STON2: variants seen among roughly 807,000 people sequenced by gnomAD.
The protein encoded by STON2 is stonin-2.
STON2 carries 29 observed loss-of-function variants against 65.7 expected under a neutral mutation model. The ratio of observed to expected loss-of-function variants is 0.44; its 90% confidence interval spans 0.33 to 0.60. STON2 has a LOEUF of 0.60. STON2 is among the 20% of genes least tolerant of loss of function. The pLI is 0.03. For missense variants in STON2, 1,054 were observed against 1,118.1 expected, an observed-to-expected ratio of 0.94 and a Z score of 0.82; for synonymous variants, 404 against 414.2, an observed-to-expected ratio of 0.98 and a Z score of 0.30.
At chr14:81,356,332 C>T (rs1167433090) in intron 4 of STON2, among the ~76,000 whole-genome samples, 3 of 152,238 alleles carry the variant, frequency 2.0e-5, no homozygotes, top group Admixed American at 1.3e-4. Flanking sequence ...GTATATTGAA[C>T]TAGCCTTGCA....
chr14:81,301,459 C>A (rs536826777), intron 5 of STON2, among the ~76,000 whole-genome samples: 7 of 151,050 alleles, frequency 4.6e-5, no homozygotes, highest in Admixed American at 4.6e-4. Context: ...AAAGCAATTA[C>A]AATACAACAC....
At position 81,267,505 on chromosome 14, in the gene STON2, C is replaced by A. The variant is rs1894403468; in HGVS notation, c.*909G>T. The A allele has an allele frequency of 5.1e-6, 5 of 985,276 alleles. No individual in the cohort carries two copies. Among genetic ancestry groups the A allele is most frequent in the Non-Finnish European group, 6.0e-6 (5 of 829,880 alleles). The allele number at this position is 985,276 out of a possible 1,614,324, so 61.0% of individuals were successfully genotyped here. ...AGGTATAAAAAGAACTCCCAAATGC[C>A]CCTTACAAATGCCTCAGGTATTATG... On this transcript the variant is annotated 3_prime_UTR_variant, in exon 8 of 8. Transcript: ENST00000614646.
chr14:81,399,452 T>C (rs1027059625), intron 1 of STON2, among the ~76,000 whole-genome samples: 2 of 152,218 alleles, frequency 1.3e-5, no homozygotes, highest in African/African-American at 4.8e-5. Context: ...AGATAGTTTC[T>C]AGAACAACTT....
Position 81,310,432 on chromosome 14 carries a change from T to C in STON2, c.742+13585A>G, listed in dbSNP as rs79593596. On this transcript the variant is annotated intron_variant, in intron 5 of 7. Coordinates refer to ENST00000614646, the MANE Select transcript of STON2 (RefSeq NM_001394390.1). Reference sequence around the variant, plus strand: ...AATTAAGACAAACTAGAGGTGCAGATAGATGGACCAGTGTGAGCAGCATCT... The same window carrying C: ...AATTAAGACAAACTAGAGGTGCAGACAGATGGACCAGTGTGAGCAGCATCT... Among the ~76,000 whole-genome samples the C allele has an allele frequency of 3.9e-5, 6 of 152,268 alleles. No homozygotes were observed. The East Asian group carries it at 1.2e-3, about 29-fold the overall frequency.
chr14:81,316,946 C>T (rs1004373157), intron 5 of STON2, among the ~76,000 whole-genome samples: 16 of 151,760 alleles, frequency 1.1e-4, no homozygotes, highest in African/African-American at 3.4e-4. Context: ...CGTGAACCCG[C>T]GAGGCAGAGG....
intron 3 of STON2, among the ~76,000 whole-genome samples, chr14:81,392,061 T>C (rs1900104157): frequency 6.6e-6 from 1 of 152,136 alleles, no homozygotes; most frequent in Non-Finnish European, 1.5e-5. Flanking sequence ...GGAGGTAAAA[T>C]TTAAGAGGGT....
In STON2 at chr14:81,265,748, A is replaced by G; in HGVS notation, c.*2666T>C. The stretch of plus-strand genomic sequence containing the variant: ...GATAGCATAGAAGGGATTTTTCCCA[A>G]CTCTTGGTAAAAAAAACAAAAAAGT... On this transcript the variant is annotated 3_prime_UTR_variant, in exon 8 of 8. Coordinates refer to ENST00000614646, the MANE Select transcript of STON2 (RefSeq NM_001394390.1). 1 of 976,136 alleles carries G rather than the reference A, an allele frequency of 1.0e-6. No individual in the cohort carries two copies. The highest frequency in any genetic ancestry group is 1.2e-6 in the Non-Finnish European group (1 of 824,226). The allele number at this position is 976,136 out of a possible 1,614,324, so 60.5% of individuals were successfully genotyped here. A position where few individuals can be genotyped will look rare whatever the true frequency, so the allele number is the denominator to read the frequency against.
At chr14:81,287,421 C>G (rs1895379215) in intron 5 of STON2, among the ~76,000 whole-genome samples, 3 of 152,190 alleles carry the variant, frequency 2.0e-5, no homozygotes, top group Admixed American at 6.5e-5. Flanking sequence ...GCCAGTTCAT[C>G]AAACTACCAC....
intron 3 of STON2, among the ~76,000 whole-genome samples, chr14:81,375,122 T>C (rs920749915): frequency 2.6e-5 from 4 of 151,900 alleles, no homozygotes; most frequent in African/African-American, 9.7e-5. Flanking sequence ...GTGAAATATC[T>C]TCACAGAACA....
chr14:81,339,953 G>C (rs1897529708), intron 4 of STON2, among the ~76,000 whole-genome samples: 2 of 152,144 alleles, frequency 1.3e-5, no homozygotes, highest in African/African-American at 2.4e-5. Flanking sequence ...AGGAGATCAA[G>C]ACCATCCTGG....
At chr14:81,289,663 C>T (rs1184423447) in intron 5 of STON2, among the ~76,000 whole-genome samples, 1 of 152,196 alleles carries the variant, frequency 6.6e-6, no homozygotes. Flanking sequence ...ATGTTAATTA[C>T]CTGCTGGTTG....
chr14:81,264,554 C>G lies in STON2; in HGVS notation c.*3860G>C. 1 of 984,348 alleles carries G rather than the reference C, an allele frequency of 1.0e-6. No individual in the cohort carries two copies. Among genetic ancestry groups the G allele is most frequent in the Non-Finnish European group, 1.2e-6 (1 of 829,002 alleles). 61.0% of individuals were successfully genotyped at this position (984,348 alleles called of 1,614,324 possible). On this transcript the variant is annotated 3_prime_UTR_variant, in exon 8 of 8. Coordinates refer to ENST00000614646, the MANE Select transcript of STON2 (RefSeq NM_001394390.1). ...GGAAACACAAAAAATTATATATAGT[C>G]CTTGCCTTCATGGATCCCATTTATC...
chr14:81,272,863 T>C (rs1389761709), intron 6 of STON2, among the ~76,000 whole-genome samples: 2 of 152,208 alleles, frequency 1.3e-5, no homozygotes, highest in African/African-American at 4.8e-5. Context: ...AATAACCCTA[T>C]TTTATAGATG....
chr14:81,410,901 T>G (rs1901123893), intron 2 of STON2, among the ~76,000 whole-genome samples: 1 of 152,168 alleles, frequency 6.6e-6, no homozygotes, highest in East Asian at 1.9e-4. Flanking sequence ...TCAACTAAAA[T>G]CAACCGTTAT....
At chr14:81,362,620 T>C (rs1223453625) in intron 4 of STON2, among the ~76,000 whole-genome samples, 1 of 152,114 alleles carries the variant, frequency 6.6e-6, no homozygotes, top group African/African-American at 2.4e-5. Flanking sequence ...GATTGGAAAA[T>C]TGCTAAGAGA....
At chr14:81,283,901 G>A (rs1895232019) in intron 5 of STON2, among the ~76,000 whole-genome samples, 3 of 152,170 alleles carry the variant, frequency 2.0e-5, no homozygotes, top group Non-Finnish European at 4.4e-5. Context: ...ACAACAGCAC[G>A]TGCTCACTCT....
rs1243863384 is a variant in STON2 at position 81,362,084 on chromosome 14, A to G, written c.571+8904T>C. Among the ~76,000 whole-genome samples the G allele has an allele frequency of 2.6e-5, 4 of 152,142 alleles. No individual in the cohort carries two copies. The East Asian group carries it at 7.7e-4, about 29-fold the overall frequency. ...AGCCATTATGAAAAAGGTTCCTCAG[A>G]AAACTAAAAATAGAATTATGATATG... On this transcript the variant is annotated intron_variant, in intron 4 of 7. Coordinates refer to ENST00000614646, the MANE Select transcript of STON2 (RefSeq NM_001394390.1).
intron 5 of STON2, among the ~76,000 whole-genome samples, chr14:81,308,853 C>CACAT (rs1334845884): frequency 1.7e-3 from 15 of 8,988 alleles, no homozygotes; most frequent in East Asian, 8.0e-3. Flanking sequence ...TATATATATA[C>CACAT]ACATACATAC....
chr14:81,278,465 A>T lies in STON2; in HGVS notation c.1017T>A (p.Thr339=). 6.2e-7 allele frequency: 1 copy of T among 1,614,228 alleles called. No individual in the cohort carries two copies. The highest frequency in any genetic ancestry group is 8.5e-7 in the Non-Finnish European group (1 of 1,180,052). Residue 339 remains threonine (T), a synonymous_variant, in exon 6 of 8, where the codon ACT becomes ACA. Transcript: ENST00000614646. ...TCTGAACTTTGGAGAAGTTCATCAAAGTGCTCTTGGGACGGTCCCTCTTCT... is the reference window on the plus strand; with the variant it reads ...TCTGAACTTTGGAGAAGTTCATCAATGTGCTCTTGGGACGGTCCCTCTTCT... ...SFKKRDRPKS[T]LMNFSKVQKL...
Sources: allele counts gnomAD v4.1 joint callset (sites outside exome capture counted in the v4.1 genomes callset), GRCh38; gene constraint gnomAD v4.1.1; transcripts MANE v1.5; gene names NCBI Gene and HGNC (gene_info 2026-07-23, HGNC 2026-07-21).